The following NR3C2 variants were observed in gnomAD, a reference collection of about 807,000 sequenced individuals.
NR3C2 encodes the protein nuclear receptor subfamily 3 group C member 2.
Under a neutral mutation model 86.4 loss-of-function variants are expected in NR3C2, and 15 were observed. The observed-to-expected ratio is 0.17, with a 90% CI of 0.12 to 0.27. The LOEUF (loss-of-function observed/expected upper bound fraction) is 0.27, where lower values mean the gene tolerates loss of function less well. Ranked by LOEUF, NR3C2 falls within the 10% of genes least tolerant of loss-of-function variation. The pLI is 1.00. For synonymous variants in NR3C2, 458 were observed against 450.5 expected (o/e 1.02, Z -0.21); for missense variants, 960 against 1,195.6 (o/e 0.80, Z 2.91).
chr4:148,131,503 T>G lies in NR3C2; in HGVS notation c.2511-11215A>C, dbSNP rs546655532. On this transcript the variant is annotated intron_variant, in intron 6 of 8. Coordinates refer to ENST00000358102, the MANE Select transcript of NR3C2 (RefSeq NM_000901.5). The stretch of plus-strand genomic sequence containing the variant: ...CATTCAAATTATTCCAGTTTACTGT[T>G]AATTTTTTTCATAGTCTTATTAATT... Among the ~76,000 whole-genome samples, 8 of 152,356 alleles carry G rather than the reference T, an allele frequency of 5.3e-5. No individual in the cohort carries two copies. In the East Asian group the frequency reaches 9.6e-4, roughly 18 times the overall value.
At chr4:148,330,464 A>C (rs552714885) in intron 2 of NR3C2, among the ~76,000 whole-genome samples, 3 of 152,310 alleles carry the variant, frequency 2.0e-5, no homozygotes, top group African/African-American at 7.2e-5. Flanking sequence ...GCATCCTAGA[A>C]AACAACCCTC....
chr4:148,184,936 C>T (rs945210276), intron 4 of NR3C2, among the ~76,000 whole-genome samples: 1 of 152,206 alleles, frequency 6.6e-6, no homozygotes, highest in Non-Finnish European at 1.5e-5. Context: ...CACTTAACTT[C>T]TCTGGGCACC....
chr4:148,302,483 T>G (rs1370199177), intron 2 of NR3C2, among the ~76,000 whole-genome samples: 1 of 152,176 alleles, frequency 6.6e-6, no homozygotes, highest in Non-Finnish European at 1.5e-5. Context: ...TTGTGAGTAT[T>G]CTTAACTTAT....
At chr4:148,280,467 C>T (rs10519951) in intron 2 of NR3C2, among the ~76,000 whole-genome samples, 25,466 of 152,002 alleles carry the variant, frequency 0.17, 2,345 homozygotes, top group Admixed American at 0.21. Flanking sequence ...TTTCACATTG[C>T]CTTAGCATAT....
chr4:148,319,459 A>G (rs1743426763), intron 2 of NR3C2, among the ~76,000 whole-genome samples: 1 of 151,632 alleles, frequency 6.6e-6, no homozygotes, highest in Non-Finnish European at 1.5e-5. Flanking sequence ...TCTATAAATT[A>G]CCTTGGGCAG....
At chr4:148,304,508 GA>G (rs1742509075) in intron 2 of NR3C2, among the ~76,000 whole-genome samples, 2 of 151,962 alleles carry the variant, frequency 1.3e-5, no homozygotes, top group Admixed American at 6.6e-5. Flanking sequence ...CATGGAATCA[GA>G]GCCTCAGACA....
At chr4:148,103,455 C>T (rs1006418789) in intron 8 of NR3C2, among the ~76,000 whole-genome samples, 7 of 152,192 alleles carry the variant, frequency 4.6e-5, no homozygotes, top group Non-Finnish European at 4.4e-5. Context: ...GCCCTCCCTC[C>T]GGGAAGCAGG....
intron 2 of NR3C2, among the ~76,000 whole-genome samples, chr4:148,348,650 T>C (rs1189236858): frequency 1.3e-5 from 2 of 152,098 alleles, no homozygotes; most frequent in Admixed American, 1.3e-4. Flanking sequence ...AGAGGTGTCA[T>C]TGGGGAGCTA....
At chr4:148,122,842 A>C (rs1226037821) in intron 6 of NR3C2, among the ~76,000 whole-genome samples, 1 of 152,204 alleles carries the variant, frequency 6.6e-6, no homozygotes, top group Non-Finnish European at 1.5e-5. Flanking sequence ...AAATTGTGTT[A>C]ACTGTACAAA....
At chr4:148,286,736 T>C (rs1456487973) in intron 2 of NR3C2, among the ~76,000 whole-genome samples, 3 of 152,168 alleles carry the variant, frequency 2.0e-5, no homozygotes, top group Non-Finnish European at 4.4e-5. Context: ...AAAATGCTTC[T>C]ATGATTGTAC....
upstream of NR3C2, chr4:148,442,517 T>C (rs575884201): frequency 5.0e-6 from 2 of 400,550 alleles, no homozygotes; most frequent in South Asian, 1.0e-4. Flanking sequence ...GGGCTGGCCC[T>C]TTTAAAAGCG....
intron 4 of NR3C2, among the ~76,000 whole-genome samples, chr4:148,155,999 C>A (rs1382173902): frequency 6.6e-6 from 1 of 152,134 alleles, no homozygotes; most frequent in African/African-American, 2.4e-5. Context: ...CCGAGGAAAA[C>A]AAGCAATGGG....
chr4:148,288,962 T>C (rs1301107644), intron 2 of NR3C2, among the ~76,000 whole-genome samples: 1 of 152,240 alleles, frequency 6.6e-6, no homozygotes, highest in East Asian at 1.9e-4. Context: ...CTTTAACAAG[T>C]TGATGCACAG....
At chr4:148,082,500 G>A (rs1418315310) in intron 8 of NR3C2, among the ~76,000 whole-genome samples, 1 of 152,102 alleles carries the variant, frequency 6.6e-6, no homozygotes, top group South Asian at 2.1e-4. Context: ...GAAGCCATGA[G>A]GGGGACTGTG....
At chr4:148,275,031 C>T (rs964001383) in intron 2 of NR3C2, among the ~76,000 whole-genome samples, 1 of 152,066 alleles carries the variant, frequency 6.6e-6, no homozygotes, top group African/African-American at 2.4e-5. Flanking sequence ...TGAAAACGGA[C>T]TAATACAGAG....
intron 4 of NR3C2, among the ~76,000 whole-genome samples, chr4:148,170,227 G>A (rs1735060412): frequency 6.6e-6 from 1 of 152,092 alleles, no homozygotes; most frequent in African/African-American, 2.4e-5. Flanking sequence ...TCCCTTCCAG[G>A]GGTAAAATCA....
At chr4:148,104,343 T>TTTTGG (rs1731690950) in intron 8 of NR3C2, among the ~76,000 whole-genome samples, 1 of 96,568 alleles carries the variant, frequency 1.0e-5, no homozygotes, top group Non-Finnish European at 1.9e-5. Flanking sequence ...TTTGGTTTGG[T>TTTTGG]TTTTTTTTTT....
intron 2 of NR3C2, among the ~76,000 whole-genome samples, chr4:148,405,287 A>G (rs1462622053): frequency 6.6e-6 from 1 of 152,214 alleles, no homozygotes; most frequent in African/African-American, 2.4e-5. Flanking sequence ...AAGGGTAAAG[A>G]TATCTTGCAA....
intron 2 of NR3C2, among the ~76,000 whole-genome samples, chr4:148,429,234 C>G (rs549634375): frequency 2.0e-5 from 3 of 152,156 alleles, no homozygotes. Context: ...TTGCCACTTA[C>G]GAGCCAAATT....
Sources: gnomAD v4.1 joint callset for allele counts (sites outside exome capture counted in the v4.1 genomes callset) on GRCh38, gnomAD v4.1.1 for gene constraint, MANE v1.5 for transcripts, NCBI Gene and HGNC (gene_info 2026-07-23, HGNC 2026-07-21) for gene names.